Variants in OR51B5 observed in about 807,000 individuals in gnomAD.
The protein encoded by OR51B5 is olfactory receptor 51B5.
For synonymous variants in OR51B5, 186 were observed against 144.8 expected (o/e 1.28, Z -2.04); for missense variants, 456 against 374.6 (o/e 1.22, Z -1.79).
chr11:5,385,999 G>C (rs1465379996), intron 1 of OR51B5, among the ~76,000 whole-genome samples: 1 of 151,046 alleles, frequency 6.6e-6, no homozygotes, highest in Non-Finnish European at 1.5e-5. Context: ...ATGTGTGTGT[G>C]TATTTACACC....
intron 1 of OR51B5, among the ~76,000 whole-genome samples, chr11:5,359,005 G>A (rs1052556677): frequency 6.6e-6 from 1 of 151,846 alleles, no homozygotes; most frequent in Non-Finnish European, 1.5e-5. Context: ...AAAATAATAA[G>A]AGCCATCTAT....
At chr11:5,357,134 C>G (rs1020872975) in intron 1 of OR51B5, among the ~76,000 whole-genome samples, 1 of 151,902 alleles carries the variant, frequency 6.6e-6, no homozygotes, top group Non-Finnish European at 1.5e-5. Flanking sequence ...CAATATTAAC[C>G]TTAATGTAAA....
chr11:5,412,658 G>A (rs1426420292), intron 1 of OR51B5, among the ~76,000 whole-genome samples: 1 of 152,208 alleles, frequency 6.6e-6, no homozygotes, highest in Non-Finnish European at 1.5e-5. Flanking sequence ...ATGGCTCAGA[G>A]GGTCCTACGC....
chr11:5,431,262 T>G (rs1175975229), intron 1 of OR51B5: 1 of 324,154 alleles, frequency 3.1e-6, no homozygotes, highest in Non-Finnish European at 6.2e-6. Context: ...GTAGGACCCC[T>G]GACTCCATGC....
At chr11:5,435,893 A>G (rs966111359) in intron 1 of OR51B5, among the ~76,000 whole-genome samples, 7 of 152,208 alleles carry the variant, frequency 4.6e-5, no homozygotes, top group Non-Finnish European at 1.0e-4. Flanking sequence ...TATTAAAATT[A>G]CATTTATACC....
chr11:5,415,453 C>CA (rs1250821619), intron 1 of OR51B5, among the ~76,000 whole-genome samples: 15 of 151,166 alleles, frequency 9.9e-5, no homozygotes, highest in African/African-American at 3.4e-4. Context: ...AATAGAGACA[C>CA]AAAAAACCCT....
intron 1 of OR51B5, chr11:5,392,472 T>C (rs949631781): frequency 6.6e-6 from 1 of 152,226 alleles, no homozygotes; most frequent in South Asian, 2.1e-4. Flanking sequence ...TATTAACAAA[T>C]AGACCACTGA....
Position 5,343,095 on chromosome 11 carries a change from G to GC in OR51B5, c.429dup (p.Leu144AlafsTer41), listed in dbSNP as rs1426292867. 1 of 1,612,898 alleles carries GC rather than the reference G, an allele frequency of 6.2e-7. No individual in the cohort carries two copies. The highest frequency in any genetic ancestry group is 8.5e-7 in the Non-Finnish European group (1 of 1,179,316). The stretch of plus-strand genomic sequence containing the variant: ...ACAAATCCCCTCATCAGAACTCCCA[G>GC]CCCAATCTTCACTACTCGAGTATTA... On this transcript the variant is annotated frameshift_variant, in exon 1 of 1. Transcript: ENST00000300773. LOFTEE classifies it low-confidence loss of function (END_TRUNC).
intron 1 of OR51B5, among the ~76,000 whole-genome samples, chr11:5,486,695 T>A (rs1037952017): frequency 7.2e-5 from 11 of 152,190 alleles, no homozygotes; most frequent in African/African-American, 2.7e-4. Flanking sequence ...GGAAGGCAGA[T>A]GAGCTAAGTG....
chr11:5,492,361 T>C (rs998579506), intron 1 of OR51B5, among the ~76,000 whole-genome samples: 6 of 152,194 alleles, frequency 3.9e-5, no homozygotes, highest in African/African-American at 1.4e-4. Flanking sequence ...TCTCACTCCA[T>C]GTTATTTGAC....
intron 1 of OR51B5, among the ~76,000 whole-genome samples, chr11:5,429,102 G>C (rs779438274): frequency 3.3e-5 from 5 of 152,076 alleles, no homozygotes; most frequent in East Asian, 1.9e-4. Flanking sequence ...ACCACACACA[G>C]AGCCAGACTC....
intron 1 of OR51B5, among the ~76,000 whole-genome samples, chr11:5,421,103 G>A (rs1046582943): frequency 6.6e-6 from 1 of 152,202 alleles, no homozygotes; most frequent in African/African-American, 2.4e-5. Flanking sequence ...ATTCAATATG[G>A]CTTTCTAACT....
chr11:5,408,655 G>A (rs1332732149), intron 1 of OR51B5, among the ~76,000 whole-genome samples: 1 of 151,976 alleles, frequency 6.6e-6, no homozygotes, highest in African/African-American at 2.4e-5. Context: ...ACCAGCCTGT[G>A]ATCACAATGT....
At chr11:5,488,617 C>A in intron 1 of OR51B5, 1 of 1,008,288 alleles carries the variant, frequency 9.9e-7, no homozygotes, top group Non-Finnish European at 1.5e-6. Context: ...ACAGAAAGAT[C>A]TTTGTTTTAC....
At position 5,365,415 on chromosome 11, in the gene OR51B5, A is replaced by G. The variant is rs117029741; in HGVS notation, n.85-18505T>C. Among the ~76,000 whole-genome samples, 597 of 152,354 alleles carry G rather than the reference A, an allele frequency of 3.9e-3. 2 individuals carry two copies. The highest frequency in any genetic ancestry group is 0.01 in the African/African-American group (427 of 41,590). On this transcript the variant is annotated intron_variant and non_coding_transcript_variant, in intron 1 of 4. Coordinates refer to the OR51B5 transcript ENST00000415970. ...AAATATGGGATGAGAGACAAGATCA[A>G]GCATACTGTAGAAATCGCTGTGGAG...
At chr11:5,437,839 G>C (rs561299055) in intron 1 of OR51B5, among the ~76,000 whole-genome samples, 1 of 152,086 alleles carries the variant, frequency 6.6e-6, no homozygotes, top group Non-Finnish European at 1.5e-5. Flanking sequence ...GTTCATCTCA[G>C]TTTTAGAGTG....
chr11:5,352,507 C>T (rs886957520), intron 1 of OR51B5: 9 of 1,061,484 alleles, frequency 8.5e-6, no homozygotes, highest in Admixed American at 6.6e-5. Context: ...ACAATGTTGC[C>T]AGCATAAGTA....
exon 1 of OR51B5, chr11:5,343,519 C>T (rs138291126): frequency 6.6e-5 from 59 of 899,384 alleles, no homozygotes; most frequent in South Asian, 2.1e-4. Context: ...TGCCGCTGGA[C>T]GACATCCTGG....
At chr11:5,351,239 A>C (rs1052961595) in intron 1 of OR51B5, among the ~76,000 whole-genome samples, 2 of 152,190 alleles carry the variant, frequency 1.3e-5, no homozygotes, top group Non-Finnish European at 2.9e-5. Flanking sequence ...TGAATTCAAC[A>C]ATGTTTATTC....
Sources: gnomAD v4.1 joint callset for allele counts (sites outside exome capture counted in the v4.1 genomes callset) on GRCh38, gnomAD v4.1.1 for gene constraint, MANE v1.5 for transcripts, NCBI Gene and HGNC (gene_info 2026-07-23, HGNC 2026-07-21) for gene names.